Variants in UGT8 observed in about 807,000 individuals in gnomAD.
UGT8 encodes the protein 2-hydroxyacylsphingosine 1-beta-galactosyltransferase.
A neutral mutation model predicts 40.5 loss-of-function variants in UGT8; 12 were observed. The ratio of observed to expected loss-of-function variants is 0.30; its 90% CI spans 0.19 to 0.48. UGT8 has a LOEUF of 0.48. UGT8 is among the 20% of genes least tolerant of loss of function. The probability of loss-of-function intolerance (pLI) is 0.99; values close to 1 mark genes in which losing one functional copy is unlikely to be tolerated. For missense variants in UGT8, 513 were observed against 648.7 expected (o/e 0.79, Z 2.27); for synonymous variants, 224 against 240.4 (o/e 0.93, Z 0.63).
intron 2 of UGT8, among the ~76,000 whole-genome samples, chr4:114,631,852 A>G (rs1454780934): frequency 2.0e-5 from 3 of 152,236 alleles, no homozygotes; most frequent in Non-Finnish European, 2.9e-5. Context: ...TTGCACCCAA[A>G]CAAATGGATA....
Position 114,637,290 on chromosome 4 carries a change from T to C in UGT8, c.822+13588T>C, listed in dbSNP as rs138734803. Among the ~76,000 whole-genome samples, 228 of 152,304 alleles carry C rather than the reference T, an allele frequency of 1.5e-3. 1 individual carries two copies. Among genetic ancestry groups the C allele is most frequent in the Admixed American group, 4.1e-3 (62 of 15,292 alleles). On this transcript the variant is annotated intron_variant, in intron 2 of 5. Coordinates refer to ENST00000310836, the MANE Select transcript of UGT8 (RefSeq NM_001128174.3). ...ACAGTGCCTGGCATGGTGCTTAACATCCTCCTGTAGGTTTAATTATTTCTT... is the reference window on the plus strand; with the variant it reads ...ACAGTGCCTGGCATGGTGCTTAACACCCTCCTGTAGGTTTAATTATTTCTT...
chr4:114,639,023 T>C (rs190250847), intron 2 of UGT8, among the ~76,000 whole-genome samples: 1 of 152,350 alleles, frequency 6.6e-6, no homozygotes, highest in East Asian at 1.9e-4. Flanking sequence ...AAAATATTTA[T>C]TGAGTACCTG....
At chr4:114,664,269 G>C in intron 3 of UGT8, 132 bp downstream of exon 3, 2 of 1,003,782 alleles carry the variant, frequency 2.0e-6, no homozygotes, top group Non-Finnish European at 2.8e-6. Flanking sequence ...CTTTCATTTT[G>C]TTTCTTAGCT....
chr4:114,635,134 T>G (rs1168437121), intron 2 of UGT8, among the ~76,000 whole-genome samples: 2 of 152,058 alleles, frequency 1.3e-5, no homozygotes, highest in Admixed American at 1.3e-4. Context: ...CACCATCACT[T>G]GAGGTCAGGA....
At chr4:114,667,028 G>A (rs1734928725) in intron 4 of UGT8, among the ~76,000 whole-genome samples, 2 of 152,068 alleles carry the variant, frequency 1.3e-5, no homozygotes, top group Non-Finnish European at 2.9e-5. Context: ...TTTGGTGGTA[G>A]GTTTTGTTCA....
intron 1 of UGT8, among the ~76,000 whole-genome samples, chr4:114,612,512 A>G (rs560498984): frequency 3.9e-5 from 6 of 152,304 alleles, no homozygotes; most frequent in Non-Finnish European, 8.8e-5. Context: ...TACCACGTAT[A>G]GGTCCATTAA....
chr4:114,611,393 CATATATATCCATATATATATATATAT>C (rs1731027905), intron 1 of UGT8, among the ~76,000 whole-genome samples: 1 of 105,520 alleles, frequency 9.5e-6, no homozygotes, highest in Non-Finnish European at 1.8e-5. Context: ...ATAACATAGC[CATATATATCCATATATATATATATAT>C]ATATATATAT....
chr4:114,646,658 C>T (rs1733591054), intron 2 of UGT8, among the ~76,000 whole-genome samples: 1 of 152,146 alleles, frequency 6.6e-6, no homozygotes, highest in Non-Finnish European at 1.5e-5. Flanking sequence ...TTGGATAGGG[C>T]ATTAGTTCTA....
chr4:114,657,978 A>G (rs1734289726), intron 2 of UGT8, among the ~76,000 whole-genome samples: 2 of 152,168 alleles, frequency 1.3e-5, no homozygotes, highest in African/African-American at 4.8e-5. Context: ...AGTGAAAACA[A>G]TGATTGGTGC....
intron 5 of UGT8, 126 bp from the exon 6 acceptor site, chr4:114,675,799 T>G: frequency 1.8e-6 from 2 of 1,106,720 alleles, no homozygotes; most frequent in African/African-American, 3.2e-5. Flanking sequence ...ACACAGTGCT[T>G]GTACATGCAA....
At chr4:114,606,394 A>G (rs768433027) in intron 1 of UGT8, among the ~76,000 whole-genome samples, 2 of 152,148 alleles carry the variant, frequency 1.3e-5, no homozygotes, top group Non-Finnish European at 2.9e-5. Flanking sequence ...GGGGCTCCAC[A>G]GCAGGCCCTT....
chr4:114,622,127 C>G (rs1195135863), intron 1 of UGT8, among the ~76,000 whole-genome samples: 1 of 132,452 alleles, frequency 7.5e-6, no homozygotes, highest in Non-Finnish European at 1.6e-5. Context: ...ACAACAGTCC[C>G]CAGAGTGTGA....
chr4:114,605,827 A>G (rs1014423146), intron 1 of UGT8, among the ~76,000 whole-genome samples: 15 of 152,156 alleles, frequency 9.9e-5, no homozygotes, highest in African/African-American at 3.1e-4. Context: ...AACATTTAAC[A>G]CTTCTTAAAT....
intron 5 of UGT8, among the ~76,000 whole-genome samples, chr4:114,669,912 A>G (rs1735126154): frequency 6.6e-6 from 1 of 152,192 alleles, no homozygotes; most frequent in South Asian, 2.1e-4. Context: ...CATTATATAA[A>G]CTGAAGTCAC....
At chr4:114,655,664 C>G (rs961405101) in intron 2 of UGT8, among the ~76,000 whole-genome samples, 1 of 152,016 alleles carries the variant, frequency 6.6e-6, no homozygotes, top group Non-Finnish European at 1.5e-5. Flanking sequence ...GATACCCTGT[C>G]ACCCTCCAAA....
chr4:114,617,300 C>G (rs1381680332), intron 1 of UGT8, among the ~76,000 whole-genome samples: 1 of 152,158 alleles, frequency 6.6e-6, no homozygotes, highest in Non-Finnish European at 1.5e-5. Flanking sequence ...GGAGAAATCA[C>G]TTTTACAGAT....
At chr4:114,611,403 C>CATATATATATATATATATAT (rs60533468) in intron 1 of UGT8, among the ~76,000 whole-genome samples, 2 of 106,298 alleles carry the variant, frequency 1.9e-5, no homozygotes, top group Non-Finnish European at 3.5e-5. Context: ...CATATATATC[C>CATATATATATATATATATAT]ATATATATAT....
At chr4:114,652,815 T>C (rs114733902) in intron 2 of UGT8, among the ~76,000 whole-genome samples, 30 of 152,190 alleles carry the variant, frequency 2.0e-4, no homozygotes, top group African/African-American at 7.2e-4. Flanking sequence ...TATTCTAACG[T>C]TGGAGTCTTT....
intron 1 of UGT8, among the ~76,000 whole-genome samples, chr4:114,618,267 G>A (rs1731563136): frequency 6.6e-6 from 1 of 152,040 alleles, no homozygotes; most frequent in Non-Finnish European, 1.5e-5. Context: ...ATAAGTATTG[G>A]TATCTCTGTA....
Sources: allele counts gnomAD v4.1 joint callset (sites outside exome capture counted in the v4.1 genomes callset), GRCh38; gene constraint gnomAD v4.1.1; transcripts MANE v1.5; gene names NCBI Gene and HGNC (gene_info 2026-07-23, HGNC 2026-07-21).